Variants in PCBD2 observed in about 807,000 individuals in gnomAD.
PCBD2 encodes the protein pterin-4-alpha-carbinolamine dehydratase 2.
Under a neutral mutation model 16.4 loss-of-function variants are expected in PCBD2, and 12 were observed. The observed-to-expected ratio is 0.73, with a 90% CI of 0.47 to 1.19. The LOEUF (loss-of-function observed/expected upper bound fraction) is 1.19. Among genes scored for constraint, PCBD2 ranks in the 50% most tolerant of loss-of-function variants. The pLI, the probability that PCBD2 is intolerant of heterozygous loss-of-function variation, is 0.00. For synonymous variants in PCBD2, 58 were observed against 61.8 expected (o/e 0.94, Z 0.29); for missense variants, 138 against 156.8 (o/e 0.88, Z 0.64).
intron 2 of PCBD2, among the ~76,000 whole-genome samples, chr5:134,930,929 G>GT (rs1751085260): frequency 6.6e-6 from 1 of 151,646 alleles, no homozygotes; most frequent in South Asian, 2.1e-4. Context: ...TTTTCTTTTT[G>GT]TTTTTTGAGA....
At chr5:134,917,972 C>A (rs1376267729) in intron 2 of PCBD2, among the ~76,000 whole-genome samples, 2 of 152,238 alleles carry the variant, frequency 1.3e-5, no homozygotes, top group East Asian at 3.9e-4. Context: ...TTGATGATAC[C>A]AGAAGAAAGA....
chr5:134,959,846 C>A (rs1256653424), intron 3 of PCBD2, among the ~76,000 whole-genome samples: 5 of 150,970 alleles, frequency 3.3e-5, no homozygotes. Flanking sequence ...AAACAGCATT[C>A]CATCCTTTAC....
intron 2 of PCBD2, among the ~76,000 whole-genome samples, chr5:134,937,621 C>T (rs1751176049): frequency 1.3e-5 from 2 of 152,234 alleles, no homozygotes; most frequent in Admixed American, 1.3e-4. Context: ...CTGTTTTACA[C>T]GTTAACGGTT....
chr5:134,908,756 C>A (rs1464381157), intron 1 of PCBD2: 2 of 151,394 alleles, frequency 1.3e-5, no homozygotes, highest in Non-Finnish European at 2.9e-5. Flanking sequence ...AACTAGAAAA[C>A]TGATTTATTA....
chr5:134,940,838 C>G (rs1453263246), intron 2 of PCBD2, among the ~76,000 whole-genome samples: 1 of 152,000 alleles, frequency 6.6e-6, no homozygotes, highest in Non-Finnish European at 1.5e-5. Flanking sequence ...AGCATAAGAA[C>G]TTGGTTCCTG....
chr5:134,921,615 G>A (rs377550370), intron 2 of PCBD2, among the ~76,000 whole-genome samples: 2 of 152,162 alleles, frequency 1.3e-5, no homozygotes, highest in South Asian at 2.1e-4. Flanking sequence ...GTGTCTGAAA[G>A]CAAACTCTTG....
intron 2 of PCBD2, among the ~76,000 whole-genome samples, chr5:134,933,320 C>T (rs1453412062): frequency 6.6e-6 from 1 of 152,206 alleles, no homozygotes; most frequent in Non-Finnish European, 1.5e-5. Context: ...ACTGCAGCCT[C>T]TATCTTCTGG....
At chr5:134,932,343 A>G (rs1460577249) in intron 2 of PCBD2, among the ~76,000 whole-genome samples, 1 of 150,872 alleles carries the variant, frequency 6.6e-6, no homozygotes, top group Non-Finnish European at 1.5e-5. Flanking sequence ...TTGCCTGGCT[A>G]ATTTTTTTTT....
intron 2 of PCBD2, among the ~76,000 whole-genome samples, chr5:134,917,933 A>C (rs895371406): frequency 6.6e-6 from 1 of 152,252 alleles, no homozygotes; most frequent in Non-Finnish European, 1.5e-5. Context: ...TATGGTGAAC[A>C]TTTTGAAACA....
At chr5:134,929,892 G>A (rs746102502) in intron 2 of PCBD2, among the ~76,000 whole-genome samples, 5 of 152,184 alleles carry the variant, frequency 3.3e-5, no homozygotes, top group Middle Eastern at 3.4e-3. Context: ...ACAAGGTCTC[G>A]CTATGTTGCC....
chr5:134,930,832 G>A (rs974515140), intron 2 of PCBD2, among the ~76,000 whole-genome samples: 10 of 152,198 alleles, frequency 6.6e-5, no homozygotes, highest in African/African-American at 2.4e-4. Flanking sequence ...ATTCATTTCT[G>A]TTTCAAGACA....
chr5:134,909,994 C>A (rs555830270), intron 1 of PCBD2, among the ~76,000 whole-genome samples: 1 of 152,160 alleles, frequency 6.6e-6, no homozygotes, highest in African/African-American at 2.4e-5. Flanking sequence ...CATTTGAGCC[C>A]AGGAGGCGGA....
At chr5:134,934,901 A>G (rs1400920787) in intron 2 of PCBD2, among the ~76,000 whole-genome samples, 3 of 152,250 alleles carry the variant, frequency 2.0e-5, no homozygotes, top group Non-Finnish European at 2.9e-5. Flanking sequence ...CTGTTAAAAA[A>G]CATCTAGATT....
At chr5:134,933,016 T>A (rs1192103704) in intron 2 of PCBD2, among the ~76,000 whole-genome samples, 3 of 152,180 alleles carry the variant, frequency 2.0e-5, no homozygotes, top group Non-Finnish European at 1.5e-5. Context: ...TTTTTATGAT[T>A]GCATAATATG....
In PCBD2 at chr5:134,960,789, C is replaced by CA. The variant is rs1328030541; in HGVS notation, c.*109dup. 1.2e-5 allele frequency: 11 copies of CA among 934,126 alleles called. No homozygotes were observed. The highest frequency in any genetic ancestry group is 3.3e-4 in the Middle Eastern group (1 of 3,012). The allele number at this position is 934,126 out of a possible 1,614,324, so 57.9% of individuals were successfully genotyped here. A position where few individuals can be genotyped will look rare whatever the true frequency, so the allele number is the denominator to read the frequency against. ...TGTTCTTTTTCTCTTTTTTTTAAGACAGAGTGTTGCTCTGTCGCCCAGGCC... is the reference window on the plus strand; with the variant it reads ...TGTTCTTTTTCTCTTTTTTTTAAGACAAGAGTGTTGCTCTGTCGCCCAGGCC... On this transcript the variant is annotated 3_prime_UTR_variant, in exon 4 of 4. Coordinates refer to ENST00000254908, the MANE Select transcript of PCBD2 (RefSeq NM_032151.5).
intron 3 of PCBD2, among the ~76,000 whole-genome samples, chr5:134,960,274 A>G (rs963476897): frequency 7.9e-5 from 12 of 152,152 alleles, no homozygotes; most frequent in African/African-American, 2.4e-4. Context: ...CGAGAGTTCA[A>G]TTGGAACCTC....
At chr5:134,912,325 T>C (rs1366756551) in intron 2 of PCBD2, among the ~76,000 whole-genome samples, 1 of 152,222 alleles carries the variant, frequency 6.6e-6, no homozygotes, top group African/African-American at 2.4e-5. Context: ...TAATGGTAAC[T>C]GGTGTCCTGA....
At chr5:134,960,270 T>A (rs930655161) in intron 3 of PCBD2, among the ~76,000 whole-genome samples, 1 of 151,912 alleles carries the variant, frequency 6.6e-6, no homozygotes, top group African/African-American at 2.4e-5. Context: ...GTAACGAGAG[T>A]TCAATTGGAA....
chr5:134,925,432 G>T, intron 2 of PCBD2: 1 of 398,462 alleles, frequency 2.5e-6, no homozygotes. Flanking sequence ...GATGGATCCG[G>T]AGCATATAAA....
Sources: gnomAD v4.1 joint callset for allele counts (sites outside exome capture counted in the v4.1 genomes callset) on GRCh38, gnomAD v4.1.1 for gene constraint, MANE v1.5 for transcripts, NCBI Gene and HGNC (gene_info 2026-07-23, HGNC 2026-07-21) for gene names.